Variants in FXYD5 observed in about 807,000 individuals in gnomAD.
FXYD5 encodes the protein FXYD domain-containing ion transport regulator 5.
In FXYD5, 21 loss-of-function variants were observed where a neutral mutation model predicts 25.7. The ratio of observed to expected loss-of-function variants is 0.82; its 90% CI spans 0.58 to 1.18. The LOEUF is 1.18. Ranked by LOEUF, FXYD5 falls within the 50% of genes most tolerant of loss-of-function variation. The pLI is 0.00. For missense variants in FXYD5, 229 were observed against 227.7 expected, an observed-to-expected ratio of 1.01 and a Z score of -0.04; for synonymous variants, 101 against 90.7, an observed-to-expected ratio of 1.11 and a Z score of -0.64.
chr19:35,158,036 T>G (rs2065372542), intron 3 of FXYD5, among the ~76,000 whole-genome samples: 1 of 152,168 alleles, frequency 6.6e-6, no homozygotes, highest in Non-Finnish European at 1.5e-5. Flanking sequence ...TCAGAGCAGG[T>G]GCATTTGGGA....
chr19:35,164,097 C>T (rs1241041727), intron 5 of FXYD5, 59 bp from the exon 6 acceptor site: 1 of 1,612,898 alleles, frequency 6.2e-7, no homozygotes, highest in Non-Finnish European at 8.5e-7. Context: ...TCAGTAATAT[C>T]CCTTGTTTCT....
intron 3 of FXYD5, 104 bp downstream of exon 3, chr19:35,157,605 C>T (rs573563277): frequency 1.1e-4 from 70 of 664,660 alleles, no homozygotes; most frequent in Middle Eastern, 2.4e-4. Context: ...ATTTATGTAA[C>T]GAAAAAGTCC....
chr19:35,155,352 A>G, intron 1 of FXYD5, 199 bp from the exon 2 acceptor site: 1 of 591,912 alleles, frequency 1.7e-6, no homozygotes, highest in Non-Finnish European at 3.0e-6. Context: ...CTGCAGGGGA[A>G]GGAAGCAGGG....
At chr19:35,164,083 A>C in intron 5 of FXYD5, 73 bp from the exon 6 acceptor site, 1 of 1,610,016 alleles carries the variant, frequency 6.2e-7, no homozygotes. Flanking sequence ...CCAGATGCAG[A>C]CTCTCAGTAA....
Position 35,157,310 on chromosome 19 carries a change from T to C in FXYD5, c.62-111T>C, listed in dbSNP as rs966749677. The stretch of plus-strand genomic sequence containing the variant: ...ATGGATTGATGCAGCCAAAGCTGAG[T>C]GATTCCACCAGCAGACAGGACCCCT... On this transcript the variant is annotated intron_variant, in intron 2 of 8. Coordinates refer to ENST00000392219, the MANE Select transcript of FXYD5 (RefSeq NM_014164.6). The C allele has an allele frequency of 5.2e-5, 33 of 638,802 alleles. No homozygotes were observed. The South Asian group carries it at 5.7e-4, about 11-fold the overall frequency. The allele number at this position is 638,802 out of a possible 1,614,324, so 39.6% of individuals were successfully genotyped here. A position where few individuals can be genotyped will look rare whatever the true frequency, so the allele number is the denominator to read the frequency against.
chr19:35,165,641 C>T (rs1326807860), intron 6 of FXYD5, among the ~76,000 whole-genome samples: 1 of 152,090 alleles, frequency 6.6e-6, no homozygotes. Flanking sequence ...CTGGGGAATA[C>T]AGCCCAGTAG....
intron 2 of FXYD5, among the ~76,000 whole-genome samples, chr19:35,156,491 A>G (rs1418822224): frequency 6.6e-6 from 1 of 152,124 alleles, no homozygotes; most frequent in Admixed American, 6.6e-5. Flanking sequence ...AGAAAAGTAG[A>G]GGTAATGAGG....
chr19:35,164,149 C>G lies in FXYD5; in HGVS notation c.293-7C>G, dbSNP rs2065430473. 2 of 1,613,130 alleles carry G rather than the reference C, an allele frequency of 1.2e-6. No homozygotes were observed. Among genetic ancestry groups the G allele is most frequent in the African/African-American group, 1.3e-5 (1 of 74,530 alleles). ...CCTGCCCTCCACTGATCTGGCCACTCTCTCAGCTCATCCCACTGATGACAC... is the reference window on the plus strand; with the variant it reads ...CCTGCCCTCCACTGATCTGGCCACTGTCTCAGCTCATCCCACTGATGACAC... On this transcript the variant is annotated splice_polypyrimidine_tract_variant and splice_region_variant and intron_variant, in intron 5 of 8. Coordinates refer to ENST00000392219, the MANE Select transcript of FXYD5 (RefSeq NM_014164.6).
Position 35,160,741 on chromosome 19 carries a change from C to A in FXYD5, c.232C>A (p.Leu78Met). ...ACAACCCCAGACCCAGACCCAGCAA[C>A]TGGAAGGAACGGATGGGCCTCTAGT... ...TPQPQTQTQQ[L>M]EGTDGPLVTD... is the part of the protein sequence containing the mutation. Residue 78 changes from leucine (L) to methionine (M), a missense_variant, in exon 5 of 9, where the codon CTG (leucine) becomes ATG (methionine). Physicochemically the swap from Leu to Met is conservative, Grantham distance 15. Coordinates refer to ENST00000392219, the MANE Select transcript of FXYD5 (RefSeq NM_014164.6). The A allele has an allele frequency of 1.9e-6, 3 of 1,613,772 alleles. No individual in the cohort carries two copies. The highest frequency in any genetic ancestry group is 2.5e-6 in the Non-Finnish European group (3 of 1,179,744).
At chr19:35,159,018 C>T (rs2065381865) in intron 4 of FXYD5, among the ~76,000 whole-genome samples, 1 of 151,842 alleles carries the variant, frequency 6.6e-6, no homozygotes. Context: ...GTCCCAGCTA[C>T]TCGAAAGGCT....
At chr19:35,157,374 G>A (rs750698719) in intron 2 of FXYD5, 47 bp from the exon 3 acceptor site, 5 of 1,010,420 alleles carry the variant, frequency 4.9e-6, no homozygotes, top group African/African-American at 1.6e-5. Flanking sequence ...GGTGGTGAGA[G>A]GAGGGGGACC....
chr19:35,159,671 A>G (rs1359445160), intron 4 of FXYD5: 1 of 1,526,762 alleles, frequency 6.5e-7, no homozygotes, highest in Non-Finnish European at 8.8e-7. Context: ...TGTGCTGGTC[A>G]TGGTTCTAAA....
intron 2 of FXYD5, among the ~76,000 whole-genome samples, chr19:35,156,451 A>G (rs1373805282): frequency 9.2e-5 from 14 of 152,182 alleles, no homozygotes; most frequent in Admixed American, 7.2e-4. Flanking sequence ...AGTAAATTAT[A>G]TCGTGTGCTA....
At chr19:35,159,406 T>C (rs1022372278) in intron 4 of FXYD5, 105 of 1,447,486 alleles carry the variant, frequency 7.3e-5, no homozygotes, top group Non-Finnish European at 9.2e-5. Flanking sequence ...GACCTTATGA[T>C]TGTTCTGCAG....
chr19:35,160,713 A>C lies in FXYD5; in HGVS notation c.204A>C (p.Thr68=), dbSNP rs1263191918. 2 of 1,611,202 alleles carry C rather than the reference A, an allele frequency of 1.2e-6. No homozygotes were observed. The highest frequency in any genetic ancestry group is 1.7e-6 in the Non-Finnish European group (2 of 1,177,604). ...SPTPTWPADE[T]PQPQTQTQQL... ...TTGCTCTCCTGACCTGAATAGAAAC[A>C]CCACAACCCCAGACCCAGACCCAGC... The change falls in exon 5 of 9, where the codon ACA becomes ACC. Residue 68 remains threonine (T), a synonymous_variant. Coordinates refer to ENST00000392219, the MANE Select transcript of FXYD5 (RefSeq NM_014164.6).
chr19:35,162,984 T>C (rs2065418938), intron 5 of FXYD5, among the ~76,000 whole-genome samples: 1 of 152,184 alleles, frequency 6.6e-6, no homozygotes, highest in African/African-American at 2.4e-5. Context: ...TTGATGCTTG[T>C]GATCATCCTG....
At chr19:35,160,631 C>T (rs1028520811) in intron 4 of FXYD5, 78 bp from the exon 5 acceptor site, 7 of 980,670 alleles carry the variant, frequency 7.1e-6, no homozygotes, top group Admixed American at 1.7e-5. Flanking sequence ...CAGACATAAG[C>T]CACCGCGCCC....
chr19:35,168,467 G>A (rs1180838610), intron 8 of FXYD5, among the ~76,000 whole-genome samples: 1 of 152,202 alleles, frequency 6.6e-6, no homozygotes, highest in East Asian at 1.9e-4. Context: ...CCTGGAGGCA[G>A]GAATGAGCTG....
At chr19:35,160,854 C>T (rs2065398807) in intron 5 of FXYD5, 53 bp downstream of exon 5, 1 of 1,081,416 alleles carries the variant, frequency 9.2e-7, no homozygotes, top group East Asian at 2.4e-5. Flanking sequence ...AATTCTCTAT[C>T]TAGGTCAACA....
Sources: gnomAD v4.1 joint callset for allele counts (sites outside exome capture counted in the v4.1 genomes callset) on GRCh38, gnomAD v4.1.1 for gene constraint, MANE v1.5 for transcripts, NCBI Gene and HGNC (gene_info 2026-07-23, HGNC 2026-07-21) for gene names.